KDM1A: variants seen among roughly 807,000 people sequenced by gnomAD.
KDM1A encodes lysine demethylase 1A.
A neutral mutation model predicts 109.4 loss-of-function variants in KDM1A; 49 were observed. That is an observed-to-expected ratio of 0.45 (90% confidence interval 0.36 to 0.57). KDM1A has a LOEUF of 0.57. KDM1A is among the 20% of genes least tolerant of loss of function. The probability of loss-of-function intolerance (pLI) is 0.00; values close to 1 mark genes in which losing one functional copy is unlikely to be tolerated. For synonymous variants in KDM1A, 380 were observed against 415.4 expected, an observed-to-expected ratio of 0.91 and a Z score of 1.04; for missense variants, 668 against 1,116.6, an observed-to-expected ratio of 0.60 and a Z score of 5.73.
chr1:23,068,628 T>C lies in KDM1A; in HGVS notation c.1269T>C (p.Asn423=). The part of the protein sequence containing the change: ...TSYLSHQLDF[N]VLNNKPVSLG... ...ACCTTAGTCATCAACTAGACTTCAA[T>C]GTCCTCAATAATAAGCCTGTGTCCC... The change falls in exon 11 of 21, where the codon AAT becomes AAC. Residue 423 remains asparagine (N), a synonymous_variant. Coordinates refer to ENST00000400181, the MANE Select transcript of KDM1A (RefSeq NM_001009999.3). 1 of 1,604,890 alleles carries C rather than the reference T, an allele frequency of 6.2e-7. No individual in the cohort carries two copies. Among genetic ancestry groups the C allele is most frequent in the Non-Finnish European group, 8.5e-7 (1 of 1,178,012 alleles).
At chr1:23,054,952 A>G in intron 5 of KDM1A, 117 bp from the exon 6 acceptor site, 2 of 638,320 alleles carry the variant, frequency 3.1e-6, no homozygotes, top group East Asian at 2.8e-5. Flanking sequence ...TAAAGGAGTC[A>G]CATGACTTGA....
At chr1:23,054,533 T>A (rs1001791804) in intron 5 of KDM1A, among the ~76,000 whole-genome samples, 3 of 152,238 alleles carry the variant, frequency 2.0e-5, no homozygotes, top group Non-Finnish European at 4.4e-5. Flanking sequence ...TTGCCCAGGC[T>A]GGAGTGCAGT....
intron 1 of KDM1A, among the ~76,000 whole-genome samples, chr1:23,029,571 C>A (rs1289369878): frequency 6.6e-6 from 1 of 152,160 alleles, no homozygotes; most frequent in Non-Finnish European, 1.5e-5. Flanking sequence ...TCCTTTATAG[C>A]CAGTGTGAAT....
chr1:23,083,025 A>C (rs1200817528), intron 20 of KDM1A, 154 bp from the exon 21 acceptor site: 3 of 637,924 alleles, frequency 4.7e-6, no homozygotes, highest in Admixed American at 5.9e-5. Context: ...GAAAGTGCCT[A>C]CTGATAAGGG....
chr1:23,022,335 T>TTG (rs1553124225), intron 1 of KDM1A, among the ~76,000 whole-genome samples: 1,813 of 150,442 alleles, frequency 0.012, 19 homozygotes, highest in African/African-American at 0.022. Flanking sequence ...TTTTTTTTTT[T>TTG]TTGTTGTTGT....
intron 3 of KDM1A, among the ~76,000 whole-genome samples, chr1:23,050,005 G>A (rs1406970919): frequency 6.6e-6 from 1 of 152,118 alleles, no homozygotes; most frequent in Non-Finnish European, 1.5e-5. Flanking sequence ...ATGTGATTGT[G>A]TTTTTCGCTC....
intron 4 of KDM1A, among the ~76,000 whole-genome samples, chr1:23,053,292 T>G (rs1642726222): frequency 6.6e-6 from 1 of 152,362 alleles, no homozygotes; most frequent in African/African-American, 2.4e-5. Flanking sequence ...GGCTTTGTGT[T>G]CATCAGTTTC....
At chr1:23,036,100 A>G (rs914154029) in intron 2 of KDM1A, among the ~76,000 whole-genome samples, 1 of 151,896 alleles carries the variant, frequency 6.6e-6, no homozygotes, top group Non-Finnish European at 1.5e-5. Context: ...ATCATGCTGT[A>G]ACTATTCTCA....
intron 2 of KDM1A, among the ~76,000 whole-genome samples, chr1:23,031,179 G>T (rs1485821633): frequency 1.3e-5 from 2 of 152,158 alleles, no homozygotes; most frequent in Non-Finnish European, 2.9e-5. Flanking sequence ...TATAGTTTTG[G>T]TTTCAGAGCT....
chr1:23,079,789 C>T lies in KDM1A; in HGVS notation c.2170+122C>T, dbSNP rs1287007440. On this transcript the variant is annotated intron_variant, in intron 18 of 20. Transcript: ENST00000400181. This position sits in a 1 kb window ranked among gnomAD's most constrained non-coding sequence, Gnocchi z 5.6. ...TCTTTATTAACTCAACAAACAATTC[C>T]TGAAATACCTTCTAGGTACTGGGGT... 3.5e-6 allele frequency: 2 copies of T among 569,728 alleles called. No homozygotes were observed. Among genetic ancestry groups the T allele is most frequent in the East Asian group, 6.7e-5 (2 of 29,718 alleles). 35.3% of individuals were successfully genotyped at this position (569,728 alleles called of 1,614,324 possible).
At chr1:23,029,263 T>C (rs1641903671) in intron 1 of KDM1A, among the ~76,000 whole-genome samples, 1 of 152,246 alleles carries the variant, frequency 6.6e-6, no homozygotes, top group African/African-American at 2.4e-5. Context: ...AAACATTAGA[T>C]ATTTGTGGAA....
At chr1:23,026,090 AAAAAAT>A (rs977617641) in intron 1 of KDM1A, among the ~76,000 whole-genome samples, 14 of 152,104 alleles carry the variant, frequency 9.2e-5, no homozygotes, top group East Asian at 3.9e-4. Flanking sequence ...CCCTGTCTTA[AAAAAAT>A]AAAAATAAAA....
chr1:23,028,893 A>G (rs2124363834), intron 1 of KDM1A, among the ~76,000 whole-genome samples: 1 of 152,314 alleles, frequency 6.6e-6, no homozygotes, highest in South Asian at 2.1e-4. Context: ...TTTTAGGGGC[A>G]GGGACACAGT....
At chr1:23,076,765 C>G (rs1484244340) in intron 15 of KDM1A, among the ~76,000 whole-genome samples, 1 of 151,954 alleles carries the variant, frequency 6.6e-6, no homozygotes, top group African/African-American at 2.4e-5. Context: ...AGTTTGAGAC[C>G]AGCCTAGCCA....
At chr1:23,076,330 G>C (rs1396639639) in intron 15 of KDM1A, among the ~76,000 whole-genome samples, 1 of 151,756 alleles carries the variant, frequency 6.6e-6, no homozygotes, top group Non-Finnish European at 1.5e-5. Flanking sequence ...TTAAATTCCT[G>C]GTCAATTCCT....
intron 2 of KDM1A, among the ~76,000 whole-genome samples, chr1:23,031,110 C>T (rs1051441052): frequency 1.3e-5 from 2 of 150,756 alleles, no homozygotes; most frequent in Non-Finnish European, 3.0e-5. Context: ...GTGCCTTTTC[C>T]TGGTGAACAA....
chr1:23,082,733 T>G (rs1321150427), intron 20 of KDM1A: 1 of 204,052 alleles, frequency 4.9e-6, no homozygotes, highest in Non-Finnish European at 1.0e-5. Flanking sequence ...GAAATAACCC[T>G]GGGTCCTTGT....
intron 10 of KDM1A, 94 bp downstream of exon 10, chr1:23,066,165 T>G: frequency 1.2e-6 from 1 of 846,424 alleles, no homozygotes; most frequent in Admixed American, 2.1e-5. Context: ...TCAAAGATCC[T>G]CTCCATCATA....
chr1:23,050,035 C>T (rs955063024), intron 3 of KDM1A, among the ~76,000 whole-genome samples: 12 of 152,158 alleles, frequency 7.9e-5, no homozygotes, highest in African/African-American at 1.2e-4. Flanking sequence ...TTTTGCTTTC[C>T]TGTTAGTGCA....
Sources: allele counts gnomAD v4.1 joint callset (sites outside exome capture counted in the v4.1 genomes callset), GRCh38; gene constraint gnomAD v4.1.1; non-coding constraint Gnocchi (gnomAD v3.1); transcripts MANE v1.5; gene names NCBI Gene and HGNC (gene_info 2026-07-23, HGNC 2026-07-21).